Variants in EPHA1 observed in about 807,000 individuals in gnomAD.
The protein encoded by EPHA1 is EPH receptor A1.
Under a neutral mutation model 110.1 loss-of-function variants are expected in EPHA1, and 92 were observed. The ratio of observed to expected loss-of-function variants is 0.84; its 90% confidence interval spans 0.71 to 0.99. The LOEUF (loss-of-function observed/expected upper bound fraction) is 0.99. Among genes scored for constraint, EPHA1 ranks in the 50% least tolerant of loss-of-function variants. The pLI is 0.00. For synonymous variants in EPHA1, 500 were observed against 516.1 expected, an observed-to-expected ratio of 0.97 and a Z score of 0.42; for missense variants, 1,204 against 1,285.4, an observed-to-expected ratio of 0.94 and a Z score of 0.97.
Position 143,397,952 on chromosome 7 carries a change from G to A in EPHA1, c.1583C>T (p.Ser528Phe). The stretch of plus-strand genomic sequence containing the variant: ...GCTGGTCCGAAACTCATGATCAGGG[G>A]AGAAAGGGCCAGGACCCAGTGGGGT... ...MLTPLGPGPF[S>F]PDHEFRTSPP... The change falls in exon 8 of 18, where the codon TCC becomes TTC. Residue 528 changes from serine to phenylalanine, a missense_variant. Coordinates refer to ENST00000275815, the MANE Select transcript of EPHA1 (RefSeq NM_005232.5). 1 of 1,614,164 alleles carries A rather than the reference G, an allele frequency of 6.2e-7. No individual in the cohort carries two copies. Among genetic ancestry groups the A allele is most frequent in the East Asian group, 2.2e-5 (1 of 44,872 alleles).
At chr7:143,404,125 T>C (rs191655908) in intron 2 of EPHA1, among the ~76,000 whole-genome samples, 1 of 152,336 alleles carries the variant, frequency 6.6e-6, no homozygotes. Context: ...ATTATAATGA[T>C]CTATATTTTC....
intron 16 of EPHA1, among the ~76,000 whole-genome samples, chr7:143,392,460 T>G (rs1211094147): frequency 6.6e-6 from 1 of 152,188 alleles, no homozygotes; most frequent in Admixed American, 6.5e-5. Flanking sequence ...AGGTTATATA[T>G]GGTGGTTGGA....
Position 143,396,401 on chromosome 7 carries a change from G to A in EPHA1, c.1881C>T (p.Asp627=), listed in dbSNP as rs150094657. Residue 627 remains aspartate (D), a synonymous_variant, in exon 11 of 18, where the codon GAC becomes GAT. Transcript: ENST00000275815. The part of the protein sequence containing the change: ...RELDPAWLMV[D]TVIGEGEFGE... ...AGGACTCACCTTCTCCTATGACAGT[G>A]TCCACCATCAGCCACGCTGGATCAA... 6.2e-7 allele frequency: 1 copy of A among 1,612,658 alleles called. No individual in the cohort carries two copies. The highest frequency in any genetic ancestry group is 8.5e-7 in the Non-Finnish European group (1 of 1,179,734).
chr7:143,391,749 C>G lies in EPHA1; in HGVS notation c.2723G>C (p.Ser908Thr). The G allele has an allele frequency of 6.2e-7, 1 of 1,613,924 alleles. No homozygotes were observed. Among genetic ancestry groups the G allele is most frequent in the Non-Finnish European group, 8.5e-7 (1 of 1,180,036 alleles). ...PRMTLRLPSL[S>T]GSDGIPYRTV... is the part of the protein sequence containing the mutation. ...TCGATATGGGATCCCATCTGAGCCA[C>G]TCAGGCTGGGCAGGCGAAGAGTCAT... The change falls in exon 17 of 18, where the codon AGT becomes ACT. Residue 908 changes from serine (S) to threonine (T), a missense_variant. By Grantham distance (58) the Ser-to-Thr change is moderately conservative. Coordinates refer to ENST00000275815, the MANE Select transcript of EPHA1 (RefSeq NM_005232.5).
intron 11 of EPHA1, 97 bp downstream of exon 11, chr7:143,396,288 G>A: frequency 6.8e-7 from 1 of 1,479,232 alleles, no homozygotes; most frequent in South Asian, 1.3e-5. Flanking sequence ...GAAGCCAGCT[G>A]GGCTGCCCAG....
In EPHA1 at chr7:143,401,696, G is replaced by A; in HGVS notation, c.151-91C>T. 1 of 1,492,742 alleles carries A rather than the reference G, an allele frequency of 6.7e-7. No homozygotes were observed. Among genetic ancestry groups the A allele is most frequent in the Non-Finnish European group, 9.1e-7 (1 of 1,095,908 alleles). 92.5% of individuals were successfully genotyped at this position (1,492,742 alleles called of 1,614,324 possible). ...AGCTGATGGAGAAGCAGCTGTGTCAGAGCCCCTCAGGTTTATGCTACTTGT... is the reference window on the plus strand; with the variant it reads ...AGCTGATGGAGAAGCAGCTGTGTCAAAGCCCCTCAGGTTTATGCTACTTGT... On this transcript the variant is annotated intron_variant, in intron 2 of 17. Coordinates refer to ENST00000275815, the MANE Select transcript of EPHA1 (RefSeq NM_005232.5). This position sits in a 1 kb window ranked among gnomAD's most constrained non-coding sequence, Gnocchi z 4.1.
At chr7:143,407,021 G>A (rs536079057) in intron 2 of EPHA1, among the ~76,000 whole-genome samples, 1 of 152,160 alleles carries the variant, frequency 6.6e-6, no homozygotes. Context: ...GAGGTGTGGA[G>A]GATGAGCTAA....
At position 143,397,628 on chromosome 7, in the gene EPHA1, C is replaced by T; in HGVS notation, c.1645G>A (p.Val549Ile). Residue 549 changes from valine to isoleucine, a missense_variant, in exon 9 of 18, where the codon GTA becomes ATA. Transcript: ENST00000275815. The part of the protein sequence containing the change: ...VSRGLTGGEI[V>I]AVIFGLLLGA... ...AGCAGCAGCCCAAAGATGACGGCTACAATCTCTCCTCCAGTCAGGCCCCTG... is the reference window on the plus strand; with the variant it reads ...AGCAGCAGCCCAAAGATGACGGCTATAATCTCTCCTCCAGTCAGGCCCCTG... 1 of 1,614,178 alleles carries T rather than the reference C, an allele frequency of 6.2e-7. No individual in the cohort carries two copies. Among genetic ancestry groups the T allele is most frequent in the African/African-American group, 1.3e-5 (1 of 75,038 alleles).
rs750178099 is a variant in EPHA1 at position 143,401,274 on chromosome 7, G to C, written c.432+50C>G. 6.3e-7 allele frequency: 1 copy of C among 1,589,456 alleles called. No individual in the cohort carries two copies. The highest frequency in any genetic ancestry group is 8.6e-7 in the Non-Finnish European group (1 of 1,167,714). ...AACCTTCTCTGGCACCCAATAAGGA[G>C]CCACCAGGGATCTGCACCAGGACCC... On this transcript the variant is annotated intron_variant, in intron 3 of 17. Coordinates refer to ENST00000275815, the MANE Select transcript of EPHA1 (RefSeq NM_005232.5). This position sits in a 1 kb window ranked among gnomAD's most constrained non-coding sequence, Gnocchi z 4.1.
rs752606620 is a variant in EPHA1, at chr7:143,399,305, C to T, written c.944G>A (p.Ser315Asn). 3.1e-6 allele frequency: 5 copies of T among 1,612,330 alleles called. No homozygotes were observed. The South Asian group carries it at 5.5e-5, about 18-fold the overall frequency. Residue 315 changes from serine to asparagine, a missense_variant, in exon 5 of 18, where the codon AGC becomes AAC. By Grantham distance (46) the Ser-to-Asn change is conservative (BLOSUM62 1). Transcript: ENST00000275815. Reference sequence around the variant, plus strand: ...CTCCCCGGGAGCTCTGTAATGGCCGCTCTCACAGGTACAGATGGTGGCCCC... The same window carrying T: ...CTCCCCGGGAGCTCTGTAATGGCCGTTCTCACAGGTACAGATGGTGGCCCC... ...SEGATICTCE[S>N]GHYRAPGEGP...
intron 3 of EPHA1, chr7:143,400,909 T>C (rs1475564481): frequency 5.4e-6 from 1 of 184,830 alleles, no homozygotes; most frequent in African/African-American, 2.4e-5. Context: ...CTTTTTTTCT[T>C]TAGAGACAGG....
In EPHA1 at chr7:143,397,600, C is replaced by G. The variant is rs111778416; in HGVS notation, c.1673G>C (p.Gly558Ala). ...IVAVIFGLLL[G>A]AALLLGILVF... The stretch of plus-strand genomic sequence containing the variant: ...GAGAATCCCAAGCAGCAAGGCTGCA[C>G]CAAGCAGCAGCCCAAAGATGACGGC... Residue 558 changes from glycine (G) to alanine (A), a missense_variant, in exon 9 of 18, where the codon GGT (glycine) becomes GCT (alanine). Coordinates refer to ENST00000275815, the MANE Select transcript of EPHA1 (RefSeq NM_005232.5). 548 of 1,614,108 alleles carry G rather than the reference C, an allele frequency of 3.4e-4. 2 individuals are homozygous for G. The African/African-American group carries it at 5.9e-3, about 17-fold the overall frequency.
At chr7:143,400,511 A>G (rs1805387939) in intron 3 of EPHA1, among the ~76,000 whole-genome samples, 3 of 152,218 alleles carry the variant, frequency 2.0e-5, no homozygotes, top group South Asian at 4.1e-4. Flanking sequence ...AGCATATCCT[A>G]TCATAAAATG....
In EPHA1 at chr7:143,395,702, T is replaced by C; in HGVS notation, c.1898-198A>G. 1.6e-6 allele frequency: 1 copy of C among 607,726 alleles called. No homozygotes were observed. Among genetic ancestry groups the C allele is most frequent in the Non-Finnish European group, 2.9e-6 (1 of 346,970 alleles). 37.6% of individuals were successfully genotyped at this position (607,726 alleles called of 1,614,324 possible). A position where few individuals can be genotyped will look rare whatever the true frequency, so the allele number is the denominator to read the frequency against. On this transcript the variant is annotated intron_variant, in intron 11 of 17. Transcript: ENST00000275815. This position sits in a 1 kb window ranked among gnomAD's most constrained non-coding sequence, Gnocchi z 4.7. Reference sequence around the variant, plus strand: ...AGCTGGAGTGCAATGCCGTGACCTATTCACCACTGTCTCCCAGTGTTTGCA... The same window carrying C: ...AGCTGGAGTGCAATGCCGTGACCTACTCACCACTGTCTCCCAGTGTTTGCA...
At position 143,407,638 on chromosome 7, in the gene EPHA1, G is replaced by C. The variant is rs1161385836; in HGVS notation, c.123C>G (p.Gly41=). ...MDTSKAQGEL[G]WLLDPPKDGW... is the part of the protein sequence containing the mutation. Reference sequence around the variant, plus strand: ...CATCTTTTGGGGGATCCAGCAGCCAGCCCAGCTCTCCCTGTGCCTTGCTTG... The same window carrying C: ...CATCTTTTGGGGGATCCAGCAGCCACCCCAGCTCTCCCTGTGCCTTGCTTG... Residue 41 remains glycine (G), a synonymous_variant, in exon 2 of 18, where the codon GGC becomes GGG. Transcript: ENST00000275815. 6.2e-7 allele frequency: 1 copy of C among 1,613,486 alleles called. No individual in the cohort carries two copies. The highest frequency in any genetic ancestry group is 1.7e-5 in the Admixed American group (1 of 59,964).
At position 143,399,768 on chromosome 7, in the gene EPHA1, TG is replaced by T; in HGVS notation, c.717del (p.Arg240GlyfsTer20). 1 of 1,612,536 alleles carries T rather than the reference TG, an allele frequency of 6.2e-7. No individual in the cohort carries two copies. The highest frequency in any genetic ancestry group is 8.5e-7 in the Non-Finnish European group (1 of 1,179,722). ...TGCATGCGGGGTGCACCTGAGGGCC[TG>T]GGGCTGGCCCGCGCGTGGGGCAAGC... ...GTCLPHARAS[P>X]RPSGAPRMHC... On this transcript the variant is annotated frameshift_variant, in exon 4 of 18. Coordinates refer to ENST00000275815, the MANE Select transcript of EPHA1 (RefSeq NM_005232.5). LOFTEE classifies it high-confidence loss of function.
intron 2 of EPHA1, among the ~76,000 whole-genome samples, chr7:143,405,866 C>T (rs1295147692): frequency 6.6e-6 from 1 of 151,842 alleles, no homozygotes; most frequent in African/African-American, 2.4e-5. Flanking sequence ...AACCCTGACC[C>T]CAGAAACAGG....
chr7:143,401,565 TA>T lies in EPHA1; in HGVS notation c.190del (p.Tyr64ThrfsTer82). 6.2e-7 allele frequency: 1 copy of T among 1,614,148 alleles called. No individual in the cohort carries two copies. On this transcript the variant is annotated frameshift_variant, in exon 3 of 18. Transcript: ENST00000275815. LOFTEE classifies it high-confidence loss of function. This position sits in a 1 kb window ranked among gnomAD's most constrained non-coding sequence, Gnocchi z 4.1. The part of the protein sequence containing the change: ...QQQILNGTPL[Y>X]MYQDCPMQGR... ...TTGCATTGGGCAGTCCTGGTACATG[TA>T]CAGGGGTGTCCCATTCAGTATCTGT...
At position 143,391,316 on chromosome 7, in the gene EPHA1, G is replaced by A. The variant is rs886832365; in HGVS notation, c.*141C>T. 7.5e-5 allele frequency: 73 copies of A among 973,166 alleles called. No individual in the cohort carries two copies. Among genetic ancestry groups the A allele is most frequent in the Non-Finnish European group, 9.4e-5 (61 of 648,638 alleles). 60.3% of individuals were successfully genotyped at this position (973,166 alleles called of 1,614,324 possible). A position where few individuals can be genotyped will look rare whatever the true frequency, so the allele number is the denominator to read the frequency against. On this transcript the variant is annotated 3_prime_UTR_variant, in exon 18 of 18. Transcript: ENST00000275815. ...AGAGGTTTTCTGGGGTGCAGAGCAG[G>A]GTTCTCCTGAAAGTGGGCAGAAGCA...
Sources: allele counts gnomAD v4.1 joint callset (sites outside exome capture counted in the v4.1 genomes callset), GRCh38; gene constraint gnomAD v4.1.1; non-coding constraint Gnocchi (gnomAD v3.1); transcripts MANE v1.5; gene names NCBI Gene and HGNC (gene_info 2026-07-23, HGNC 2026-07-21).